The following PHACTR4 variants were observed in gnomAD, a reference collection of about 807,000 sequenced individuals.
The protein encoded by PHACTR4 is phosphatase and actin regulator 4, also known as protein phosphatase 1, regulatory subunit 124.
In PHACTR4, 51 loss-of-function variants were observed where a neutral mutation model predicts 72.7. That is an observed-to-expected ratio of 0.70 (90% CI 0.56 to 0.89). PHACTR4 has a LOEUF of 0.89. Among genes scored for constraint, PHACTR4 ranks in the 40% least tolerant of loss-of-function variants. The probability of loss-of-function intolerance (pLI) is 0.00; values close to 1 mark genes in which losing one functional copy is unlikely to be tolerated. For missense variants in PHACTR4, 731 were observed against 861.8 expected (o/e 0.85, Z 1.90); for synonymous variants, 255 against 302.5 (o/e 0.84, Z 1.63).
At chr1:28,457,568 A>G (rs1393929755) in intron 2 of PHACTR4, among the ~76,000 whole-genome samples, 1 of 152,112 alleles carries the variant, frequency 6.6e-6, no homozygotes, top group Non-Finnish European at 1.5e-5. Flanking sequence ...ACACTACTGC[A>G]CTTCATCCTG....
Position 28,398,729 on chromosome 1 carries a change from G to A in PHACTR4, c.-38-8681G>A, listed in dbSNP as rs559959546. Among the ~76,000 whole-genome samples the A allele has an allele frequency of 2.0e-5, 3 of 151,936 alleles. No individual in the cohort carries two copies. The East Asian group carries it at 5.8e-4, about 29-fold the overall frequency. On this transcript the variant is annotated intron_variant, in intron 1 of 13. Coordinates refer to ENST00000373839, the MANE Select transcript of PHACTR4 (RefSeq NM_001048183.3). The stretch of plus-strand genomic sequence containing the variant: ...AGCTACTTGGGAGGCTGAGGCAGGA[G>A]AATTGCTTGAACCTGGGAGCTGGAG...
chr1:28,462,919 G>C (rs1317270332), intron 4 of PHACTR4, among the ~76,000 whole-genome samples: 1 of 152,146 alleles, frequency 6.6e-6, no homozygotes, highest in African/African-American at 2.4e-5. Context: ...CTTTTGGCTG[G>C]CCTGGCGCGG....
chr1:28,459,399 T>A, intron 3 of PHACTR4, 141 bp downstream of exon 3: 13 of 465,222 alleles, frequency 2.8e-5, no homozygotes, highest in East Asian at 4.9e-5. Context: ...CTTCTTCTTT[T>A]TTTTTTTTTT....
intron 12 of PHACTR4, among the ~76,000 whole-genome samples, chr1:28,492,076 G>T (rs1284440611): frequency 1.3e-5 from 2 of 152,168 alleles, no homozygotes; most frequent in African/African-American, 4.8e-5. Flanking sequence ...TGGTTGTTTG[G>T]TTAGAGGGAG....
chr1:28,480,727 G>C (rs1262837882), intron 9 of PHACTR4, 123 bp downstream of exon 9: 8 of 1,330,228 alleles, frequency 6.0e-6, no homozygotes, highest in Non-Finnish European at 8.4e-6. Flanking sequence ...GTCTTGCTCT[G>C]TCACCCAGGC....
intron 13 of PHACTR4, among the ~76,000 whole-genome samples, chr1:28,496,249 G>A (rs1438133908): frequency 6.6e-6 from 1 of 151,402 alleles, no homozygotes; most frequent in African/African-American, 2.4e-5. Context: ...GTAGAGACAG[G>A]GTTTCACCGT....
chr1:28,484,922 C>CGA (rs1282942958), intron 9 of PHACTR4, among the ~76,000 whole-genome samples: 1 of 152,052 alleles, frequency 6.6e-6, no homozygotes, highest in Non-Finnish European at 1.5e-5. Context: ...GCTGAGTTCA[C>CGA]ACCACTGCAC....
In PHACTR4 at chr1:28,496,303, G is replaced by A. The variant is rs370855753; in HGVS notation, c.2094-231G>A. On this transcript the variant is annotated intron_variant, in intron 13 of 13. Coordinates refer to ENST00000373839, the MANE Select transcript of PHACTR4 (RefSeq NM_001048183.3). ...AATCTCCTGACCTCTTGATCCGCCC[G>A]CCTCGGCCTCCCAAAGTGCTGGGAT... Among the ~76,000 whole-genome samples the A allele has an allele frequency of 4.6e-5, 7 of 151,690 alleles. No homozygotes were observed. The East Asian group carries it at 5.8e-4, about 13-fold the overall frequency.
At chr1:28,493,162 G>T in intron 13 of PHACTR4, 71 bp downstream of exon 13, 1 of 1,269,928 alleles carries the variant, frequency 7.9e-7, no homozygotes. Context: ...GATATGAAGG[G>T]CTCTAATGAC....
intron 1 of PHACTR4, among the ~76,000 whole-genome samples, chr1:28,386,787 A>G (rs1158705815): frequency 2.0e-5 from 3 of 152,188 alleles, no homozygotes; most frequent in African/African-American, 7.2e-5. Context: ...AGGTCATTAG[A>G]TATTTAAAAT....
chr1:28,380,117 C>T (rs1652044208), intron 1 of PHACTR4, among the ~76,000 whole-genome samples: 1 of 126,686 alleles, frequency 7.9e-6, no homozygotes, highest in Admixed American at 9.4e-5. Flanking sequence ...AGTGCAGTGG[C>T]GCGATCTCGG....
chr1:28,496,528 T>C lies in PHACTR4; in HGVS notation c.2094-6T>C, dbSNP rs1661373810. The C allele has an allele frequency of 1.2e-6, 2 of 1,613,738 alleles. No individual in the cohort carries two copies. The highest frequency in any genetic ancestry group is 2.2e-5 in the East Asian group (1 of 44,890). ...GGTAACTTGTCTCTTTTTTAATCTC[T>C]TTTAGCTACCATCGTCCATGATGCC... On this transcript the variant is annotated splice_polypyrimidine_tract_variant and splice_region_variant and intron_variant, in intron 13 of 13. Transcript: ENST00000373839.
At chr1:28,378,445 A>G (rs975891754) in intron 1 of PHACTR4, among the ~76,000 whole-genome samples, 11 of 149,878 alleles carry the variant, frequency 7.3e-5, no homozygotes, top group Middle Eastern at 3.5e-3. Flanking sequence ...GGAGGTTGCA[A>G]TGAGCCAAGA....
In PHACTR4 at chr1:28,496,656, C is replaced by G; in HGVS notation, c.*107C>G. Reference sequence around the variant, plus strand: ...TTCCCAGCACAGCCAGAATTGCATCCTCTGGGATCTTCTGAGGTGGACAGC... The same window carrying G: ...TTCCCAGCACAGCCAGAATTGCATCGTCTGGGATCTTCTGAGGTGGACAGC... On this transcript the variant is annotated 3_prime_UTR_variant, in exon 14 of 14. Coordinates refer to ENST00000373839, the MANE Select transcript of PHACTR4 (RefSeq NM_001048183.3). 2.3e-6 allele frequency: 3 copies of G among 1,297,890 alleles called. No homozygotes were observed. The highest frequency in any genetic ancestry group is 3.3e-6 in the Non-Finnish European group (3 of 901,478). 80.4% of individuals were successfully genotyped at this position (1,297,890 alleles called of 1,614,324 possible).
chr1:28,452,989 C>T (rs926984969), intron 2 of PHACTR4, among the ~76,000 whole-genome samples: 3 of 151,730 alleles, frequency 2.0e-5, no homozygotes, highest in African/African-American at 4.8e-5. Flanking sequence ...TGTGGTTTTG[C>T]GTACCTGTAA....
intron 2 of PHACTR4, among the ~76,000 whole-genome samples, chr1:28,455,643 G>A (rs1378044520): frequency 1.3e-5 from 2 of 152,142 alleles, no homozygotes; most frequent in Non-Finnish European, 2.9e-5. Context: ...GGCTGACCTG[G>A]AGAGATTTTT....
chr1:28,390,126 A>G (rs1303736701), intron 1 of PHACTR4, among the ~76,000 whole-genome samples: 1 of 152,194 alleles, frequency 6.6e-6, no homozygotes, highest in Non-Finnish European at 1.5e-5. Context: ...CAGAAAGACA[A>G]ATGCTGCATG....
In PHACTR4 at chr1:28,405,606, T is replaced by C. The variant is rs911611311; in HGVS notation, c.-38-1804T>C. ...CCTCCCAAAGTGCTGGGATTACAGG[T>C]GTGAACCACCACGCCTGGCCCCAAG... On this transcript the variant is annotated intron_variant, in intron 1 of 13. Transcript: ENST00000373839. Among the ~76,000 whole-genome samples the C allele has an allele frequency of 7.9e-5, 12 of 151,866 alleles. 1 individual carries two copies. Among genetic ancestry groups the C allele is most frequent in the African/African-American group, 1.7e-4 (7 of 41,368 alleles).
intron 2 of PHACTR4, 50 bp downstream of exon 2, chr1:28,407,513 T>G (rs765700749): frequency 4.8e-5 from 73 of 1,513,584 alleles, no homozygotes; most frequent in Non-Finnish European, 6.3e-5. Flanking sequence ...TGTTTTATCC[T>G]CACCTCCATT....
Sources: allele counts gnomAD v4.1 joint callset (sites outside exome capture counted in the v4.1 genomes callset), GRCh38; gene constraint gnomAD v4.1.1; transcripts MANE v1.5; gene names NCBI Gene and HGNC (gene_info 2026-07-23, HGNC 2026-07-21).